MAPK8: variants seen among roughly 807,000 people sequenced by gnomAD.
MAPK8 encodes the protein mitogen-activated protein kinase 8.
A neutral mutation model predicts 52.9 loss-of-function variants in MAPK8; 13 were observed. That is an observed-to-expected ratio of 0.25 (90% CI 0.16 to 0.39). The LOEUF is 0.39. Ranked by LOEUF, MAPK8 falls within the 10% of genes least tolerant of loss-of-function variation. MAPK8 has a pLI of 1.00. For synonymous variants in MAPK8, 191 were observed against 169.8 expected (o/e 1.12, Z -0.97); for missense variants, 300 against 519.2 (o/e 0.58, Z 4.10).
chr10:48,414,770 C>T (rs1033957790), intron 5 of MAPK8, among the ~76,000 whole-genome samples: 4 of 151,464 alleles, frequency 2.6e-5, no homozygotes, highest in African/African-American at 4.9e-5. Flanking sequence ...TTTGTAGAGA[C>T]GGGGTCTTGC....
chr10:48,414,583 T>A (rs2133126123), intron 5 of MAPK8, among the ~76,000 whole-genome samples: 1 of 143,070 alleles, frequency 7.0e-6, no homozygotes, highest in Admixed American at 6.9e-5. Context: ...TTTTTTTTTT[T>A]TTTTTTTTTT....
intron 1 of MAPK8, among the ~76,000 whole-genome samples, chr10:48,372,848 C>G (rs1700985317): frequency 6.6e-6 from 1 of 152,104 alleles, no homozygotes; most frequent in African/African-American, 2.4e-5. Context: ...CCTAGCAAGG[C>G]AGGCCAGCAA....
intron 1 of MAPK8, among the ~76,000 whole-genome samples, chr10:48,343,437 G>C (rs1252183860): frequency 6.6e-6 from 1 of 152,146 alleles, no homozygotes; most frequent in African/African-American, 2.4e-5. Flanking sequence ...TCTCATCTCA[G>C]AATCTTTAAT....
intron 5 of MAPK8, among the ~76,000 whole-genome samples, chr10:48,417,540 G>A (rs11101318): frequency 0.46 from 69,852 of 151,994 alleles, 16,269 homozygotes; most frequent in South Asian, 0.57. Flanking sequence ...GCTCCAAACT[G>A]TGGGTCAAGT....
chr10:48,367,013 G>A (rs1032724602), intron 1 of MAPK8, among the ~76,000 whole-genome samples: 2 of 152,074 alleles, frequency 1.3e-5, no homozygotes, highest in African/African-American at 4.8e-5. Flanking sequence ...GAAGTACCAA[G>A]CCCACAAAGG....
intron 1 of MAPK8, among the ~76,000 whole-genome samples, chr10:48,356,166 A>G (rs1846913847): frequency 1.3e-5 from 2 of 152,256 alleles, no homozygotes; most frequent in Non-Finnish European, 2.9e-5. Flanking sequence ...AAACATTTTT[A>G]TAAAACAGTA....
At chr10:48,385,613 G>GT (rs138020774) in intron 1 of MAPK8, among the ~76,000 whole-genome samples, 3,940 of 149,762 alleles carry the variant, frequency 0.026, 173 homozygotes, top group African/African-American at 0.09. Flanking sequence ...TAAAAAATGA[G>GT]TTTTTTTTTT....
Position 48,426,502 on chromosome 10 carries a change from G to A in MAPK8, c.994G>A (p.Ala332Thr). 6.2e-7 allele frequency: 1 copy of A among 1,608,200 alleles called. No individual in the cohort carries two copies. Among genetic ancestry groups the A allele is most frequent in the Non-Finnish European group, 8.5e-7 (1 of 1,178,110 alleles). Residue 332 changes from alanine (A) to threonine (T), a missense_variant and splice_region_variant, in exon 9 of 12, where the codon GCT (alanine) becomes ACT (threonine). Transcript: ENST00000374189. Reference protein sequence around the residue: ...NVWYDPSEAEAPPPKIPDKQL... With the variant: ...NVWYDPSEAETPPPKIPDKQL... ...CTGGTATGATCCTTCTGAAGCAGAA[G>A]CTGTAAGTTATTTTCTTAATGTTTA...
At chr10:48,401,054 G>T (rs1038516191) in intron 1 of MAPK8, among the ~76,000 whole-genome samples, 6 of 152,162 alleles carry the variant, frequency 3.9e-5, no homozygotes, top group African/African-American at 9.7e-5. Flanking sequence ...ACACCAGGAG[G>T]TTGCCTTGGC....
Position 48,438,864 on chromosome 10 carries a change from G to A in MAPK8, c.*3835G>A, listed in dbSNP as rs974447474. ...TGTTTTTGTAAGTAGAAACCTGCTCGTGATATCGGTCCATTTACATTTTAC... is the reference window on the plus strand; with the variant it reads ...TGTTTTTGTAAGTAGAAACCTGCTCATGATATCGGTCCATTTACATTTTAC... On this transcript the variant is annotated 3_prime_UTR_variant, in exon 12 of 12. Transcript: ENST00000374189. 2.0e-5 allele frequency: 3 copies of A among 152,292 alleles called. No individual in the cohort carries two copies. Among genetic ancestry groups the A allele is most frequent in the Non-Finnish European group, 4.4e-5 (3 of 68,028 alleles). 9.4% of individuals were successfully genotyped at this position (152,292 alleles called of 1,614,324 possible). A position where few individuals can be genotyped will look rare whatever the true frequency, so the allele number is the denominator to read the frequency against.
At chr10:48,403,917 T>TTGTGTGTGTGTGTGTGTGTGTG (rs71465463) in intron 2 of MAPK8, among the ~76,000 whole-genome samples, 7 of 125,748 alleles carry the variant, frequency 5.6e-5, no homozygotes, top group African/African-American at 1.9e-4. Context: ...CCCGGCTAAT[T>TTGTGTGTGTGTGTGTGTGTGTG]TGTGTGTGTG....
intron 6 of MAPK8, 66 bp from the exon 7 acceptor site, chr10:48,424,019 ATAT>A: frequency 8.3e-7 from 1 of 1,203,538 alleles, no homozygotes; most frequent in Non-Finnish European, 1.2e-6. Context: ...TAATGCAGTC[ATAT>A]TATGCTTCTT....
chr10:48,355,740 T>G (rs926963986), intron 1 of MAPK8, among the ~76,000 whole-genome samples: 1 of 152,198 alleles, frequency 6.6e-6, no homozygotes, highest in Non-Finnish European at 1.5e-5. Context: ...TTCTGCATCT[T>G]GTGAACAACA....
At chr10:48,332,874 A>G (rs1844289407) in intron 1 of MAPK8, among the ~76,000 whole-genome samples, 1 of 152,222 alleles carries the variant, frequency 6.6e-6, no homozygotes, top group African/African-American at 2.4e-5. Flanking sequence ...AATTCAGTGT[A>G]TATAGTGCCT....
intron 1 of MAPK8, among the ~76,000 whole-genome samples, chr10:48,399,790 C>T (rs1256092858): frequency 2.6e-5 from 4 of 152,176 alleles, no homozygotes; most frequent in East Asian, 1.9e-4. Flanking sequence ...AGACATATGA[C>T]TCCTCCAAGT....
chr10:48,395,806 A>G (rs1214485051), intron 1 of MAPK8, among the ~76,000 whole-genome samples: 1 of 152,144 alleles, frequency 6.6e-6, no homozygotes, highest in Non-Finnish European at 1.5e-5. Flanking sequence ...AAACAGAATT[A>G]AAAGTCCAGA....
intron 1 of MAPK8, among the ~76,000 whole-genome samples, chr10:48,313,597 C>T (rs1339686622): frequency 2.0e-5 from 3 of 152,210 alleles, no homozygotes; most frequent in Non-Finnish European, 2.9e-5. Context: ...ATTTTAAAAA[C>T]GTATTTTTCA....
chr10:48,411,918 C>T lies in MAPK8; in HGVS notation c.450+1750C>T, dbSNP rs1374782262. On this transcript the variant is annotated intron_variant, in intron 5 of 11. Coordinates refer to ENST00000374189, the MANE Select transcript of MAPK8 (RefSeq NM_001323329.2). ...TGTCTTGTCTTCTCCATTCTCAGCT[C>T]ACTGCAACCTCTACCTCCTGGGTTC... 2.1e-5 allele frequency among the ~76,000 whole-genome samples: 3 copies of T among 146,222 alleles called. No homozygotes were observed. The East Asian group carries it at 6.6e-4, about 32-fold the overall frequency.
intron 1 of MAPK8, among the ~76,000 whole-genome samples, chr10:48,395,425 A>G (rs1397467592): frequency 6.6e-6 from 1 of 152,054 alleles, no homozygotes; most frequent in African/African-American, 2.4e-5. Flanking sequence ...TCTTTTTAAC[A>G]AATGATTTTT....
Sources: allele counts gnomAD v4.1 joint callset (sites outside exome capture counted in the v4.1 genomes callset), GRCh38; gene constraint gnomAD v4.1.1; transcripts MANE v1.5; gene names NCBI Gene and HGNC (gene_info 2026-07-23, HGNC 2026-07-21).